Variants in AHNAK observed in about 807,000 individuals in gnomAD.
AHNAK encodes the protein neuroblast differentiation-associated protein AHNAK.
AHNAK carries 23 observed loss-of-function variants against 37.8 expected under a neutral mutation model. The observed-to-expected ratio is 0.61, with a 90% CI of 0.44 to 0.86. The LOEUF (loss-of-function observed/expected upper bound fraction) is 0.86. AHNAK is among the 40% of genes least tolerant of loss of function. The pLI is 0.00. For missense variants in AHNAK, 7,411 were observed against 7,319.4 expected (o/e 1.01, Z -0.46); for synonymous variants, 2,481 against 2,636.3 (o/e 0.94, Z 1.80).
intron 5 of AHNAK, among the ~76,000 whole-genome samples, chr11:62,471,976 C>T (rs529111807): frequency 3.1e-4 from 47 of 152,224 alleles, no homozygotes; most frequent in African/African-American, 1.1e-3. Context: ...AGGGCTGCTA[C>T]GACCACTCGC....
chr11:62,546,288 C>A (rs1941309813), intron 1 of AHNAK, among the ~76,000 whole-genome samples: 1 of 152,172 alleles, frequency 6.6e-6, no homozygotes, highest in Non-Finnish European at 1.5e-5. Flanking sequence ...GGGATACGAA[C>A]GGAGCAGCCC....
At chr11:62,433,632 A>G in exon 6 of AHNAK, 1 of 571,780 alleles carries the variant, frequency 1.7e-6, no homozygotes, top group East Asian at 2.9e-5. Flanking sequence ...TCCCAAACCT[A>G]AGCCCACACT....
chr11:62,455,481 G>A (rs868658304), intron 5 of AHNAK, among the ~76,000 whole-genome samples: 3 of 151,888 alleles, frequency 2.0e-5, no homozygotes, highest in Admixed American at 6.6e-5. Context: ...CAAGGCGGGC[G>A]GATCTCCTGA....
chr11:62,466,469 A>ATTTTTTTGTTTTTTTTT (rs1938914508), intron 5 of AHNAK, among the ~76,000 whole-genome samples: 1 of 135,780 alleles, frequency 7.4e-6, no homozygotes, highest in African/African-American at 2.8e-5. Context: ...TAAAGTTTTG[A>ATTTTTTTGTTTTTTTTT]TTTTTTTTTT....
rs543982244 is a variant in AHNAK at position 62,518,864 on chromosome 11, G to A, written c.15553C>T (p.Pro5185Ser). Residue 5185 changes from proline (P) to serine (S), a missense_variant, in exon 5 of 5, where the codon CCG becomes TCG. Coordinates refer to ENST00000378024, the MANE Select transcript of AHNAK (RefSeq NM_001620.3). ...TGAGGGGCAGAAATGCCGAAGGACG[G>A]TGTTTTGACTTTAGCATCTAGGCCT... ...IEGLDAKVKT[P>S]SFGISAPQVS... The A allele has an allele frequency of 8.1e-6, 13 of 1,614,246 alleles. No individual in the cohort carries two copies. In the Admixed American group the frequency reaches 1.5e-4, roughly 19 times the overall value.
At chr11:62,457,935 T>C (rs1354312747) in intron 5 of AHNAK, among the ~76,000 whole-genome samples, 4 of 143,254 alleles carry the variant, frequency 2.8e-5, no homozygotes, top group African/African-American at 1.0e-4. Context: ...TTTTTTGAGA[T>C]GGAGTCTTAC....
intron 1 of AHNAK, chr11:62,537,589 A>T (rs1333339936): frequency 6.6e-6 from 1 of 152,154 alleles, no homozygotes; most frequent in Non-Finnish European, 1.5e-5. Flanking sequence ...TTACTGTGCC[A>T]ATTTCACAGA....
intron 5 of AHNAK, among the ~76,000 whole-genome samples, chr11:62,452,473 T>G (rs148450728): frequency 2.7e-3 from 412 of 152,328 alleles, no homozygotes; most frequent in African/African-American, 9.2e-3. Flanking sequence ...CTGTGGTTTC[T>G]TACGAGCTGC....
Position 62,481,009 on chromosome 11 carries a change from G to A in AHNAK, c.442+10723C>T, listed in dbSNP as rs79052491. ...AACCGATGAAACCCGAGGCGCTCCTGTAGCTCCTGGGCTGATCCCTCTCCA... is the reference window on the plus strand; with the variant it reads ...AACCGATGAAACCCGAGGCGCTCCTATAGCTCCTGGGCTGATCCCTCTCCA... On this transcript the variant is annotated intron_variant, in intron 5 of 5. Coordinates refer to the AHNAK transcript ENST00000257247. 3.4e-3 allele frequency among the ~76,000 whole-genome samples: 511 copies of A among 152,080 alleles called. 4 individuals carry two copies. The highest frequency in any genetic ancestry group is 0.012 in the African/African-American group (492 of 41,474).
At chr11:62,448,524 G>A (rs1423802550) in intron 5 of AHNAK, among the ~76,000 whole-genome samples, 1 of 152,196 alleles carries the variant, frequency 6.6e-6, no homozygotes, top group African/African-American at 2.4e-5. Context: ...GGCTGAGGAA[G>A]AGGGAGGCAT....
At chr11:62,440,234 C>T (rs780788217) in intron 5 of AHNAK, among the ~76,000 whole-genome samples, 1 of 152,138 alleles carries the variant, frequency 6.6e-6, no homozygotes, top group Non-Finnish European at 1.5e-5. Context: ...TAGATATGAT[C>T]TAGTGCAACC....
intron 5 of AHNAK, among the ~76,000 whole-genome samples, chr11:62,485,163 C>T (rs1405960579): frequency 6.6e-5 from 10 of 152,092 alleles, no homozygotes; most frequent in Non-Finnish European, 1.5e-5. Context: ...CTTTGAGAGG[C>T]CAAAGCGGGA....
At position 62,522,924 on chromosome 11, in the gene AHNAK, A is replaced by T. The variant is rs746187796; in HGVS notation, c.11493T>A (p.Ala3831=). Residue 3831 remains alanine (A), a synonymous_variant, in exon 5 of 5, where the codon GCT becomes GCA. Transcript: ENST00000378024. The part of the protein sequence containing the change: ...GPDVDVNLPK[A]DLDVSGPKVD... ...CCTTGGGTCCTGAGACATCAAGGTC[A>T]GCCTTGGGCAGGTTCACATCCACAT... 62 of 1,613,284 alleles carry T rather than the reference A, an allele frequency of 3.8e-5. No homozygotes were observed. Among genetic ancestry groups the T allele is most frequent in the Non-Finnish European group, 5.0e-5 (59 of 1,179,912 alleles).
At chr11:62,500,503 G>A (rs1392574510) in intron 4 of AHNAK, among the ~76,000 whole-genome samples, 2 of 152,174 alleles carry the variant, frequency 1.3e-5, no homozygotes, top group Non-Finnish European at 1.5e-5. Flanking sequence ...GTTTGAACCT[G>A]TTCCTCCCAA....
intron 4 of AHNAK, among the ~76,000 whole-genome samples, chr11:62,497,494 A>G (rs1290745739): frequency 1.3e-5 from 2 of 152,238 alleles, no homozygotes; most frequent in Non-Finnish European, 2.9e-5. Context: ...AACCATTCCT[A>G]TCAAAAAAGG....
Position 62,526,441 on chromosome 11 carries a change from T to C in AHNAK, c.7976A>G (p.Asp2659Gly). 1.2e-6 allele frequency: 2 copies of C among 1,611,984 alleles called. No homozygotes were observed. The highest frequency in any genetic ancestry group is 1.7e-6 in the Non-Finnish European group (2 of 1,179,434). The change falls in exon 5 of 5, where the codon GAT (aspartate) becomes GGT (glycine). Residue 2659 changes from aspartate to glycine, a missense_variant. By Grantham distance (94) the Asp-to-Gly change is moderately conservative. Transcript: ENST00000378024. ...AATGTCAGCCTTGGGCAGCTTCACA[T>C]CCCCATCTGGGCCCTCTCCTTTGAA... ...PGFKGEGPDGDVKLPKADIDV... is the reference protein window; with the variant it reads ...PGFKGEGPDGGVKLPKADIDV...
chr11:62,474,896 G>A (rs1939111532), intron 5 of AHNAK, among the ~76,000 whole-genome samples: 1 of 152,180 alleles, frequency 6.6e-6, no homozygotes, highest in African/African-American at 2.4e-5. Flanking sequence ...CTGGCAACAG[G>A]TAGGGAGGAT....
rs754327408 is a variant in AHNAK at position 62,532,135 on chromosome 11, C to T, written c.2282G>A (p.Gly761Glu). 6 of 1,613,738 alleles carry T rather than the reference C, an allele frequency of 3.7e-6. No individual in the cohort carries two copies. Among genetic ancestry groups the T allele is most frequent in the Admixed American group, 3.3e-5 (2 of 59,966 alleles). Residue 761 changes from glycine to glutamate, a missense_variant, in exon 5 of 5, where the codon GGG becomes GAG. Coordinates refer to ENST00000378024, the MANE Select transcript of AHNAK (RefSeq NM_001620.3). ...KMKMPKFSVP[G>E]FKAEGPEVDV... is the part of the protein sequence containing the mutation. ...CACTTCTGGGCCCTCTGCTTTGAAC[C>T]CTGGCACACTGAATTTGGGCATTTT...
intron 5 of AHNAK, among the ~76,000 whole-genome samples, chr11:62,448,026 T>C (rs1938453795): frequency 6.6e-6 from 1 of 151,734 alleles, no homozygotes. Flanking sequence ...TAGCTTGAAG[T>C]TTGAAGAATG....
Sources: allele counts gnomAD v4.1 joint callset (sites outside exome capture counted in the v4.1 genomes callset), GRCh38; gene constraint gnomAD v4.1.1; transcripts MANE v1.5; gene names NCBI Gene and HGNC (gene_info 2026-07-23, HGNC 2026-07-21).